Variants in SLIT3 observed in about 807,000 individuals in gnomAD.
The protein encoded by SLIT3 is slit guidance ligand 3, also known as slit homolog 3 protein.
Under a neutral mutation model 184.0 loss-of-function variants are expected in SLIT3, and 68 were observed. The ratio of observed to expected loss-of-function variants is 0.37; its 90% CI spans 0.30 to 0.45. The LOEUF is 0.45. SLIT3 is among the 20% of genes least tolerant of loss of function. SLIT3 has a pLI of 1.00. For missense variants in SLIT3, 1,707 were observed against 2,026.0 expected (o/e 0.84, Z 3.02); for synonymous variants, 831 against 828.6 (o/e 1.00, Z -0.05).
At chr5:169,234,563 C>A (rs1245255202) in intron 3 of SLIT3, among the ~76,000 whole-genome samples, 1 of 152,086 alleles carries the variant, frequency 6.6e-6, no homozygotes, top group Non-Finnish European at 1.5e-5. Context: ...GCCATCACAC[C>A]TGGCTAATTT....
At chr5:168,987,907 G>T (rs2113376430) in intron 4 of SLIT3, among the ~76,000 whole-genome samples, 1 of 152,332 alleles carries the variant, frequency 6.6e-6, no homozygotes, top group Non-Finnish European at 1.5e-5. Context: ...TCCATTTTCT[G>T]TGAGTGCACT....
At chr5:169,144,972 T>C (rs1033059202) in intron 4 of SLIT3, among the ~76,000 whole-genome samples, 8 of 152,188 alleles carry the variant, frequency 5.3e-5, no homozygotes, top group Non-Finnish European at 7.4e-5. Flanking sequence ...TGTTTAACCA[T>C]GGGCTTTTTG....
chr5:168,877,184 C>A (rs1228941409), intron 5 of SLIT3, among the ~76,000 whole-genome samples: 1 of 152,102 alleles, frequency 6.6e-6, no homozygotes, highest in African/African-American at 2.4e-5. Context: ...GAGATAATTT[C>A]AGAGGGTGAT....
At chr5:168,897,646 G>GCGCGCGCGCGCACACACACA in intron 4 of SLIT3, among the ~76,000 whole-genome samples, 1 of 105,382 alleles carries the variant, frequency 9.5e-6, no homozygotes, top group African/African-American at 4.2e-5. Flanking sequence ...ACAGGTGCAC[G>GCGCGCGCGCGCACACACACA]TACACACACA....
chr5:168,794,548 G>C (rs1407281139), intron 10 of SLIT3, among the ~76,000 whole-genome samples: 2 of 152,192 alleles, frequency 1.3e-5, no homozygotes, highest in African/African-American at 4.8e-5. Flanking sequence ...GGAACAGCAG[G>C]GTTGGTATCA....
At chr5:168,966,683 A>G (rs923716491) in intron 4 of SLIT3, among the ~76,000 whole-genome samples, 2 of 152,218 alleles carry the variant, frequency 1.3e-5, no homozygotes, top group African/African-American at 4.8e-5. Context: ...CACTCTAAAT[A>G]TCCCCCATGC....
chr5:168,972,550 C>A (rs931020154), intron 4 of SLIT3, among the ~76,000 whole-genome samples: 1 of 151,982 alleles, frequency 6.6e-6, no homozygotes, highest in Non-Finnish European at 1.5e-5. Flanking sequence ...TGAAAAGTTA[C>A]ATCACACCTC....
At position 168,844,568 on chromosome 5, in the gene SLIT3, C is replaced by G. The variant is rs561833230; in HGVS notation, c.557+16G>C. 6.2e-7 allele frequency: 1 copy of G among 1,613,422 alleles called. No homozygotes were observed. The highest frequency in any genetic ancestry group is 2.2e-5 in the East Asian group (1 of 44,870). On this transcript the variant is annotated intron_variant, in intron 6 of 35. Coordinates refer to ENST00000519560, the MANE Select transcript of SLIT3 (RefSeq NM_003062.4). The stretch of plus-strand genomic sequence containing the variant: ...ATGCACGCACACACAAGGCAGCGAT[C>G]GCAAAATCAACTCACAGGATCTCCA...
chr5:168,837,136 T>C (rs906977610), intron 6 of SLIT3, among the ~76,000 whole-genome samples: 6 of 152,184 alleles, frequency 3.9e-5, no homozygotes, highest in Non-Finnish European at 7.4e-5. Flanking sequence ...CCTAGTATTC[T>C]AGGGGCTGAA....
intron 4 of SLIT3, among the ~76,000 whole-genome samples, chr5:169,141,594 C>T (rs1581452016): frequency 1.3e-5 from 2 of 151,490 alleles, no homozygotes; most frequent in East Asian, 2.0e-4. Flanking sequence ...AAAAAATTAG[C>T]CAGGCGTGGT....
intron 4 of SLIT3, chr5:168,995,608 AG>A (rs1447978964): frequency 6.6e-6 from 1 of 152,238 alleles, no homozygotes; most frequent in Non-Finnish European, 1.5e-5. Context: ...AGTATCAAGA[AG>A]GTTCTTCTCC....
At chr5:168,844,895 CAT>C (rs1758403992) in intron 5 of SLIT3, 18 of 349,230 alleles carry the variant, frequency 5.2e-5, no homozygotes, top group South Asian at 2.4e-4. Context: ...ATTAATTGCG[CAT>C]TTTTTTTTTT....
At chr5:168,891,296 A>G (rs546008011) in intron 4 of SLIT3, among the ~76,000 whole-genome samples, 1 of 152,212 alleles carries the variant, frequency 6.6e-6, no homozygotes, top group South Asian at 2.1e-4. Flanking sequence ...AAGTGGGGAG[A>G]ATGATGACAT....
chr5:169,146,132 G>A (rs1761915787), intron 4 of SLIT3, among the ~76,000 whole-genome samples: 1 of 152,238 alleles, frequency 6.6e-6, no homozygotes, highest in Non-Finnish European at 1.5e-5. Context: ...CATGAGGAAT[G>A]TATTACGAAT....
intron 4 of SLIT3, among the ~76,000 whole-genome samples, chr5:168,911,922 TTGA>T (rs1166560005): frequency 1.3e-5 from 2 of 152,266 alleles, no homozygotes; most frequent in Non-Finnish European, 2.9e-5. Context: ...ATTTTTTGCA[TTGA>T]CTTTCACTTA....
intron 4 of SLIT3, among the ~76,000 whole-genome samples, chr5:169,122,424 G>C (rs1164802974): frequency 6.6e-6 from 1 of 152,144 alleles, no homozygotes; most frequent in Admixed American, 6.5e-5. Context: ...CCTGAGCTCT[G>C]GTACCTGGAG....
intron 4 of SLIT3, among the ~76,000 whole-genome samples, chr5:169,055,787 C>A (rs565547802): frequency 2.0e-5 from 3 of 150,424 alleles, no homozygotes; most frequent in African/African-American, 7.4e-5. Flanking sequence ...GCCAAGATTG[C>A]ACCACTGCAC....
In SLIT3 at chr5:169,217,665, T is replaced by C. The variant is rs866506902; in HGVS notation, c.342-24115A>G. 2.0e-5 allele frequency among the ~76,000 whole-genome samples: 3 copies of C among 152,200 alleles called. No homozygotes were observed. The South Asian group carries it at 6.2e-4, about 31-fold the overall frequency. On this transcript the variant is annotated intron_variant, in intron 3 of 35. Coordinates refer to ENST00000519560, the MANE Select transcript of SLIT3 (RefSeq NM_003062.4). ...CTGCACGCTCAACACCAGTGTCTGC[T>C]GCAGTAGGCAACGAACCAGTAATTG...
At chr5:168,945,998 G>A (rs775597046) in intron 4 of SLIT3, among the ~76,000 whole-genome samples, 44 of 152,154 alleles carry the variant, frequency 2.9e-4, no homozygotes, top group Non-Finnish European at 5.6e-4. Flanking sequence ...AATAATAGCC[G>A]CACTCTATGT....
Sources: allele counts gnomAD v4.1 joint callset (sites outside exome capture counted in the v4.1 genomes callset), GRCh38; gene constraint gnomAD v4.1.1; transcripts MANE v1.5; gene names NCBI Gene and HGNC (gene_info 2026-07-23, HGNC 2026-07-21).